The following SLIT2 variants were observed in gnomAD, a reference collection of about 807,000 sequenced individuals.
The protein encoded by SLIT2 is slit homolog 2 protein.
In SLIT2, 41 loss-of-function variants were observed where a neutral mutation model predicts 185.7. The observed-to-expected ratio is 0.22, with a 90% CI of 0.17 to 0.29. SLIT2 has a LOEUF of 0.29. Ranked by LOEUF, SLIT2 falls within the 10% of genes least tolerant of loss-of-function variation. SLIT2 has a pLI of 1.00. For synonymous variants in SLIT2, 693 were observed against 680.2 expected, an observed-to-expected ratio of 1.02 and a Z score of -0.29; for missense variants, 1,571 against 1,909.0, an observed-to-expected ratio of 0.82 and a Z score of 3.30.
chr4:20,545,983 A>G, intron 21 of SLIT2, 48 bp from the exon 22 acceptor site: 4 of 1,084,880 alleles, frequency 3.7e-6, no homozygotes, highest in Non-Finnish European at 4.1e-6. Flanking sequence ...ATTTTATTCA[A>G]GGCCACCATT....
chr4:20,260,961 A>T (rs528235247), intron 3 of SLIT2, among the ~76,000 whole-genome samples: 1 of 150,440 alleles, frequency 6.6e-6, no homozygotes, highest in African/African-American at 2.4e-5. Context: ...CCTCTCCTCC[A>T]TTCTCTTACA....
chr4:20,384,410 G>A (rs1019921139), intron 4 of SLIT2, among the ~76,000 whole-genome samples: 2 of 152,036 alleles, frequency 1.3e-5, no homozygotes, highest in Non-Finnish European at 2.9e-5. Context: ...AACTTTTTGG[G>A]GTGACAGAAG....
intron 4 of SLIT2, among the ~76,000 whole-genome samples, chr4:20,355,265 G>A (rs1316422842): frequency 1.3e-5 from 2 of 152,128 alleles, no homozygotes; most frequent in Admixed American, 1.3e-4. Context: ...CTAGTAAACA[G>A]ATAAGGCTTT....
At chr4:20,354,917 G>A (rs1204448282) in intron 4 of SLIT2, among the ~76,000 whole-genome samples, 1 of 147,440 alleles carries the variant, frequency 6.8e-6, no homozygotes, top group Non-Finnish European at 1.5e-5. Context: ...GAGAGAGAGA[G>A]AGAGAGAGAG....
chr4:20,269,431 C>A (rs991108977), intron 4 of SLIT2, among the ~76,000 whole-genome samples: 2 of 151,780 alleles, frequency 1.3e-5, no homozygotes, highest in South Asian at 4.1e-4. Flanking sequence ...ATATCAAATA[C>A]GTCATAGACT....
Position 20,488,988 on chromosome 4 carries a change from G to T in SLIT2, c.775+6G>T. 6.2e-7 allele frequency: 1 copy of T among 1,603,972 alleles called. No individual in the cohort carries two copies. The highest frequency in any genetic ancestry group is 8.5e-7 in the Non-Finnish European group (1 of 1,172,944). The stretch of plus-strand genomic sequence containing the variant: ...ACGAGAATTTGTCTGCAGTGGTAAG[G>T]GAGAAGGAAGAGTGATGTTATTGTG... On this transcript the variant is annotated splice_donor_region_variant and intron_variant, in intron 8 of 36. Transcript: ENST00000504154.
intron 3 of SLIT2, among the ~76,000 whole-genome samples, chr4:20,263,047 T>G (rs948258840): frequency 2.0e-5 from 3 of 151,830 alleles, no homozygotes; most frequent in African/African-American, 7.2e-5. Context: ...ATGAGTAGTT[T>G]AGTTTGCACT....
At chr4:20,413,535 T>C (rs1211562726) in intron 4 of SLIT2, among the ~76,000 whole-genome samples, 1 of 152,092 alleles carries the variant, frequency 6.6e-6, no homozygotes, top group Non-Finnish European at 1.5e-5. Context: ...AGTTGAAAGT[T>C]GGCTTTGAAG....
intron 4 of SLIT2, among the ~76,000 whole-genome samples, chr4:20,325,927 T>C (rs1719547040): frequency 2.0e-5 from 3 of 152,154 alleles, no homozygotes; most frequent in Admixed American, 2.0e-4. Context: ...GAAAGAAATA[T>C]ACTTTATTTA....
chr4:20,525,190 G>A lies in SLIT2; in HGVS notation c.1462+18G>A. On this transcript the variant is annotated intron_variant, in intron 15 of 36. Coordinates refer to ENST00000504154, the MANE Select transcript of SLIT2 (RefSeq NM_004787.4). The stretch of plus-strand genomic sequence containing the variant: ...CATTCCAGGTAGGTTTTGCTCGGTA[G>A]TAGGACTAACTACAGACACCCTTTC... 1 of 1,587,300 alleles carries A rather than the reference G, an allele frequency of 6.3e-7. No homozygotes were observed.
intron 31 of SLIT2, among the ~76,000 whole-genome samples, 199 bp from the exon 32 acceptor site, chr4:20,596,216 A>C (rs1727967354): frequency 6.6e-6 from 1 of 152,200 alleles, no homozygotes; most frequent in Non-Finnish European, 1.5e-5. Flanking sequence ...ACAAAATGTC[A>C]TTTAGACAGG....
chr4:20,614,587 G>T (rs756766410), intron 34 of SLIT2, among the ~76,000 whole-genome samples: 1 of 151,940 alleles, frequency 6.6e-6, no homozygotes, highest in Non-Finnish European at 1.5e-5. Flanking sequence ...AGACCAGCCT[G>T]ACCAATATGG....
At chr4:20,262,033 A>G (rs1225928337) in intron 3 of SLIT2, among the ~76,000 whole-genome samples, 1 of 151,806 alleles carries the variant, frequency 6.6e-6, no homozygotes, top group Non-Finnish European at 1.5e-5. Flanking sequence ...TGAAAATATT[A>G]TTATGATAAA....
At chr4:20,597,201 G>A (rs1162496461) in intron 32 of SLIT2, among the ~76,000 whole-genome samples, 2 of 152,028 alleles carry the variant, frequency 1.3e-5, no homozygotes, top group African/African-American at 2.4e-5. Flanking sequence ...GAGTAGCTGG[G>A]ACGACAAGCA....
In SLIT2 at chr4:20,598,403, T is replaced by A. The variant is rs1728148360; in HGVS notation, c.3692+8T>A. 1 of 1,613,926 alleles carries A rather than the reference T, an allele frequency of 6.2e-7. No individual in the cohort carries two copies. Among genetic ancestry groups the A allele is most frequent in the South Asian group, 1.1e-5 (1 of 91,052 alleles). ...AGCTTCTGCCATTTACAGGTGAAGATCTCTCAGTTACGGGTAAAGGTGAAA... is the reference window on the plus strand; with the variant it reads ...AGCTTCTGCCATTTACAGGTGAAGAACTCTCAGTTACGGGTAAAGGTGAAA... On this transcript the variant is annotated splice_region_variant and intron_variant, in intron 33 of 36. Coordinates refer to ENST00000504154, the MANE Select transcript of SLIT2 (RefSeq NM_004787.4).
At chr4:20,341,760 A>G (rs1403179891) in intron 4 of SLIT2, among the ~76,000 whole-genome samples, 1 of 152,224 alleles carries the variant, frequency 6.6e-6, no homozygotes, top group Non-Finnish European at 1.5e-5. Flanking sequence ...CTATTAACTA[A>G]CTGTATTACA....
chr4:20,258,980 C>T (rs1712154399), intron 3 of SLIT2, among the ~76,000 whole-genome samples: 1 of 151,612 alleles, frequency 6.6e-6, no homozygotes, highest in Admixed American at 6.6e-5. Flanking sequence ...AATGGTTTGT[C>T]CCCTTCCAAG....
At chr4:20,466,501 A>G (rs1248361466) in intron 4 of SLIT2, among the ~76,000 whole-genome samples, 1 of 151,310 alleles carries the variant, frequency 6.6e-6, no homozygotes, top group Non-Finnish European at 1.5e-5. Flanking sequence ...TTTTTTACGA[A>G]TTGCTTAGCA....
chr4:20,334,442 C>T (rs1720327737), intron 4 of SLIT2, among the ~76,000 whole-genome samples: 1 of 152,156 alleles, frequency 6.6e-6, no homozygotes, highest in Non-Finnish European at 1.5e-5. Flanking sequence ...TCAAAACCTA[C>T]TTTAAAAGGT....
Sources: allele counts gnomAD v4.1 joint callset (sites outside exome capture counted in the v4.1 genomes callset), GRCh38; gene constraint gnomAD v4.1.1; transcripts MANE v1.5; gene names NCBI Gene and HGNC (gene_info 2026-07-23, HGNC 2026-07-21).